Variants in VSTM1 observed in about 807,000 individuals in gnomAD.
VSTM1 encodes V-set and transmembrane domain-containing protein 1.
A neutral mutation model predicts 33.1 loss-of-function variants in VSTM1; 27 were observed. That is an observed-to-expected ratio of 0.82 (90% CI 0.60 to 1.12). VSTM1 has a LOEUF of 1.12. Among genes scored for constraint, VSTM1 ranks in the 50% most tolerant of loss-of-function variants. The pLI is 0.00. For synonymous variants in VSTM1, 115 were observed against 110.3 expected, an observed-to-expected ratio of 1.04 and a Z score of -0.27; for missense variants, 304 against 288.9, an observed-to-expected ratio of 1.05 and a Z score of -0.38.
chr19:54,062,805 A>G (rs1480053417), intron 1 of VSTM1, among the ~76,000 whole-genome samples: 1 of 152,022 alleles, frequency 6.6e-6, no homozygotes, highest in Admixed American at 6.6e-5. Context: ...GCACCCAGAA[A>G]AGGAGGAAGG....
chr19:54,061,013 TTTC>T (rs1267866148), intron 1 of VSTM1, among the ~76,000 whole-genome samples: 14 of 125,908 alleles, frequency 1.1e-4, no homozygotes, highest in African/African-American at 3.8e-4. Flanking sequence ...TTCTTTTTCT[TTTC>T]TTTTTTTTTT....
intron 3 of VSTM1, among the ~76,000 whole-genome samples, chr19:54,053,370 T>C (rs73607364): frequency 0.017 from 2,360 of 142,134 alleles, 395 homozygotes; most frequent in African/African-American, 0.058. Context: ...ACCTTGAGTG[T>C]GGAGATCTGT....
At position 54,040,896 on chromosome 19, in the gene VSTM1, C is replaced by T. The variant is rs1234029016; in HGVS notation, c.*65G>A. On this transcript the variant is annotated 3_prime_UTR_variant, in exon 9 of 9. Transcript: ENST00000338372. ...GCAAGGAAACACAGTATCTGCATCT[C>T]CAGATTTCCGATAACCTTGGCCAGC... 4 of 1,565,850 alleles carry T rather than the reference C, an allele frequency of 2.6e-6. No individual in the cohort carries two copies. The highest frequency in any genetic ancestry group is 3.4e-6 in the Non-Finnish European group (4 of 1,159,874).
intron 8 of VSTM1, among the ~76,000 whole-genome samples, chr19:54,041,357 G>A (rs946492780): frequency 7.3e-5 from 11 of 151,372 alleles, no homozygotes; most frequent in African/African-American, 1.5e-4. Flanking sequence ...GCTGGAGTGC[G>A]GTGGCGTGAT....
At chr19:54,047,327 C>G (rs1163356017) in intron 4 of VSTM1, among the ~76,000 whole-genome samples, 2 of 151,834 alleles carry the variant, frequency 1.3e-5, no homozygotes, top group Non-Finnish European at 2.9e-5. Context: ...GACAGTCTCA[C>G]TCTGTCTCCC....
chr19:54,054,426 A>G (rs2070987116), intron 3 of VSTM1, among the ~76,000 whole-genome samples: 1 of 142,386 alleles, frequency 7.0e-6, no homozygotes, highest in African/African-American at 2.6e-5. Flanking sequence ...AAAGAGGGTA[A>G]ATCAGAGGTG....
chr19:54,042,452 C>T, intron 4 of VSTM1, 83 bp from the exon 5 acceptor site: 3 of 1,515,786 alleles, frequency 2.0e-6, no homozygotes, highest in Non-Finnish European at 2.6e-6. Flanking sequence ...TAAGAGAAGC[C>T]AGACAGATGG....
At position 54,040,844 on chromosome 19, in the gene VSTM1, A is replaced by G. The variant is rs2070214060; in HGVS notation, c.*117T>C. The G allele has an allele frequency of 1.5e-6, 2 of 1,374,196 alleles. No homozygotes were observed. The highest frequency in any genetic ancestry group is 1.9e-6 in the Non-Finnish European group (2 of 1,033,452). The allele number at this position is 1,374,196 out of a possible 1,614,324, so 85.1% of individuals were successfully genotyped here. ...GTCAGATTTCTTTTTAAGACGAGAA[A>G]CTTAATTTTATTGATATGGACGAAG... On this transcript the variant is annotated 3_prime_UTR_variant, in exon 9 of 9. Transcript: ENST00000338372.
intron 3 of VSTM1, among the ~76,000 whole-genome samples, chr19:54,058,056 T>C (rs1301919292): frequency 2.6e-5 from 4 of 151,718 alleles, no homozygotes; most frequent in Non-Finnish European, 5.9e-5. Context: ...CTGGCTAACA[T>C]GGCGAAACCC....
Position 54,058,291 on chromosome 19 carries a change from A to G in VSTM1, c.355+15T>C, listed in dbSNP as rs762142588. 15 of 1,612,818 alleles carry G rather than the reference A, an allele frequency of 9.3e-6. No individual in the cohort carries two copies. Among genetic ancestry groups the G allele is most frequent in the Admixed American group, 5.0e-5 (3 of 59,898 alleles). On this transcript the variant is annotated intron_variant, in intron 3 of 8. Coordinates refer to ENST00000338372, the MANE Select transcript of VSTM1 (RefSeq NM_198481.4). ...AAGAAATGTGTGCATCAAAGAGTACATCTGCCCTTCTCACCTGTGACCACC... is the reference window on the plus strand; with the variant it reads ...AAGAAATGTGTGCATCAAAGAGTACGTCTGCCCTTCTCACCTGTGACCACC...
chr19:54,056,859 C>CTTT lies in VSTM1; in HGVS notation c.355+1444_355+1446dup, dbSNP rs548330152. On this transcript the variant is annotated intron_variant, in intron 3 of 8. Coordinates refer to ENST00000338372, the MANE Select transcript of VSTM1 (RefSeq NM_198481.4). The stretch of plus-strand genomic sequence containing the variant: ...AGGTGTTGCATCTATCCTTCTTCTT[C>CTTT]TTTTTTTTTTTTAGACGGAGTCTTG... Among the ~76,000 whole-genome samples, 3 of 130,122 alleles carry CTTT rather than the reference C, an allele frequency of 2.3e-5. 1 individual carries two copies. The highest frequency in any genetic ancestry group is 8.4e-5 in the African/African-American group (3 of 35,792). 85.4% of individuals were successfully genotyped at this position (130,122 alleles called of 152,430 possible).
chr19:54,042,567 G>A (rs546434799), intron 4 of VSTM1, among the ~76,000 whole-genome samples, 198 bp from the exon 5 acceptor site: 3 of 151,974 alleles, frequency 2.0e-5, no homozygotes, highest in South Asian at 2.1e-4. Context: ...TCTGTAAAGT[G>A]AGGATAGCAG....
At chr19:54,061,491 AAG>A (rs1435155531) in intron 1 of VSTM1, among the ~76,000 whole-genome samples, 5 of 152,166 alleles carry the variant, frequency 3.3e-5, no homozygotes, top group Non-Finnish European at 7.3e-5. Flanking sequence ...AGAAGAGAAA[AAG>A]AGAGACAGAG....
chr19:54,060,004 A>C (rs377532975), intron 1 of VSTM1, among the ~76,000 whole-genome samples: 7,489 of 149,480 alleles, frequency 0.05, 245 homozygotes, highest in Admixed American at 0.092. Flanking sequence ...CCCGCCACCA[A>C]GCCCAGCTAA....
Position 54,057,204 on chromosome 19 carries a change from T to A in VSTM1, c.355+1102A>T. ...TCCTAGATTCCTTCTTCCCCAGCCA[T>A]GTCCCACGACAGGAAAAGAAATACG... On this transcript the variant is annotated intron_variant, in intron 3 of 8. Transcript: ENST00000338372. Among the ~76,000 whole-genome samples, 2 of 139,314 alleles carry A rather than the reference T, an allele frequency of 1.4e-5. 1 individual carries two copies. The highest frequency in any genetic ancestry group is 3.1e-5 in the Non-Finnish European group (2 of 63,508). 91.4% of individuals were successfully genotyped at this position (139,314 alleles called of 152,430 possible). A position where few individuals can be genotyped will look rare whatever the true frequency, so the allele number is the denominator to read the frequency against.
At chr19:54,061,456 G>C (rs1226840873) in intron 1 of VSTM1, among the ~76,000 whole-genome samples, 1 of 152,098 alleles carries the variant, frequency 6.6e-6, no homozygotes, top group Non-Finnish European at 1.5e-5. Flanking sequence ...GAGTAGGCTG[G>C]GTATCTAATC....
chr19:54,060,851 G>A (rs2071357846), intron 1 of VSTM1, among the ~76,000 whole-genome samples: 1 of 151,520 alleles, frequency 6.6e-6, no homozygotes, highest in South Asian at 2.1e-4. Flanking sequence ...CCACCACGCT[G>A]GCTGATTTTA....
chr19:54,052,120 C>T (rs918072016), intron 3 of VSTM1, among the ~76,000 whole-genome samples: 6 of 151,556 alleles, frequency 4.0e-5, no homozygotes, highest in East Asian at 2.0e-4. Context: ...CCTACTTGGC[C>T]GGGCGCAGTG....
chr19:54,052,721 A>C, intron 3 of VSTM1, among the ~76,000 whole-genome samples: 1 of 142,370 alleles, frequency 7.0e-6, no homozygotes, highest in East Asian at 2.0e-4. Flanking sequence ...GTATACCTTG[A>C]ATATATACAA....
Sources: gnomAD v4.1 joint callset for allele counts (sites outside exome capture counted in the v4.1 genomes callset) on GRCh38, gnomAD v4.1.1 for gene constraint, MANE v1.5 for transcripts, NCBI Gene and HGNC (gene_info 2026-07-23, HGNC 2026-07-21) for gene names.